The following RASGRP1 variants were observed in gnomAD, a reference collection of about 807,000 sequenced individuals.
The protein encoded by RASGRP1 is RAS guanyl releasing protein 1.
RASGRP1 carries 37 observed loss-of-function variants against 95.1 expected under a neutral mutation model. The observed-to-expected ratio is 0.39, with a 90% confidence interval of 0.30 to 0.51. The LOEUF (loss-of-function observed/expected upper bound fraction) is 0.51, where lower values mean the gene tolerates loss of function less well. Among genes scored for constraint, RASGRP1 ranks in the 20% least tolerant of loss-of-function variants. The pLI is 0.80. For missense variants in RASGRP1, 711 were observed against 965.4 expected, an observed-to-expected ratio of 0.74 and a Z score of 3.49; for synonymous variants, 325 against 353.4, an observed-to-expected ratio of 0.92 and a Z score of 0.90.
rs761476720 is a variant in RASGRP1, at chr15:38,507,853, TAGTC to T, written c.1111_1114del (p.Asp371IlefsTer7). On this transcript the variant is annotated frameshift_variant, in exon 9 of 17. Transcript: ENST00000310803. LOFTEE classifies it high-confidence loss of function. ...GACGTTCACTTTCCCGTCCTCCAGA[TAGTC>T]AGGCATGGCTTCATACAGGGAGATG... 2 of 1,613,732 alleles carry T rather than the reference TAGTC, an allele frequency of 1.2e-6. No homozygotes were observed. Among genetic ancestry groups the T allele is most frequent in the Non-Finnish European group, 8.5e-7 (1 of 1,179,812 alleles).
rs955561007 is a variant in RASGRP1, at chr15:38,519,055, TAAAG to T, written c.389+250_389+253del. Among the ~76,000 whole-genome samples, 87 of 152,258 alleles carry T rather than the reference TAAAG, an allele frequency of 5.7e-4. 1 individual carries two copies. Among genetic ancestry groups the T allele is most frequent in the Middle Eastern group, 3.4e-3 (1 of 294 alleles). ...TTACTTGTATAATTAAGAACAAAAA[TAAAG>T]AAAATAACAGACCTTTAATTATTTC... On this transcript the variant is annotated intron_variant, in intron 4 of 16. Transcript: ENST00000310803.
intron 15 of RASGRP1, among the ~76,000 whole-genome samples, chr15:38,496,998 A>G (rs1890817473): frequency 6.6e-6 from 1 of 152,242 alleles, no homozygotes; most frequent in Admixed American, 6.5e-5. Context: ...TGATATTAAC[A>G]TATGGTACAT....
intron 2 of RASGRP1, among the ~76,000 whole-genome samples, chr15:38,559,526 T>A (rs1893719863): frequency 6.6e-6 from 1 of 152,220 alleles, no homozygotes; most frequent in Non-Finnish European, 1.5e-5. Flanking sequence ...AAGCACCAGA[T>A]GCACAATATC....
chr15:38,562,501 A>G (rs1397062152), intron 1 of RASGRP1, among the ~76,000 whole-genome samples: 1 of 152,230 alleles, frequency 6.6e-6, no homozygotes. Flanking sequence ...CTGGGGCTAC[A>G]TAGCCACTGC....
chr15:38,529,474 A>G (rs73384167), intron 2 of RASGRP1, among the ~76,000 whole-genome samples: 62 of 152,308 alleles, frequency 4.1e-4, no homozygotes, highest in Middle Eastern at 3.4e-3. Context: ...CCCTTGAATT[A>G]CTGATGTCAT....
chr15:38,550,116 G>A (rs1410243049), intron 2 of RASGRP1, among the ~76,000 whole-genome samples: 2 of 151,384 alleles, frequency 1.3e-5, no homozygotes, highest in African/African-American at 4.9e-5. Context: ...AAATTAGCTG[G>A]CTCTGGTGGT....
chr15:38,533,386 A>C (rs750526940), intron 2 of RASGRP1, among the ~76,000 whole-genome samples: 15 of 152,214 alleles, frequency 9.9e-5, no homozygotes, highest in Non-Finnish European at 2.1e-4. Context: ...TTCTAAATAA[A>C]TAACTATGTG....
chr15:38,508,034 C>T (rs1431467243), intron 8 of RASGRP1, 33 bp from the exon 9 acceptor site: 9 of 1,569,022 alleles, frequency 5.7e-6, no homozygotes, highest in South Asian at 1.2e-5. Context: ...CACAGGTACC[C>T]GCTAGGCAGT....
intron 10 of RASGRP1, 69 bp downstream of exon 10, chr15:38,505,771 G>C: frequency 8.1e-7 from 1 of 1,234,688 alleles, no homozygotes; most frequent in Non-Finnish European, 1.2e-6. Context: ...TGTTCCTGAG[G>C]ATGAATGAAC....
intron 16 of RASGRP1, 182 bp downstream of exon 16, chr15:38,494,200 C>G (rs2141075945): frequency 2.5e-6 from 2 of 803,144 alleles, no homozygotes; most frequent in Admixed American, 2.2e-5. Flanking sequence ...ATCAATCATC[C>G]TTTCTTCCTT....
At chr15:38,552,394 T>C (rs1893374539) in intron 2 of RASGRP1, among the ~76,000 whole-genome samples, 1 of 152,196 alleles carries the variant, frequency 6.6e-6, no homozygotes, top group African/African-American at 2.4e-5. Flanking sequence ...CCTCTGTATC[T>C]GGGAAACAGT....
At chr15:38,534,003 G>T (rs1262132236) in intron 2 of RASGRP1, among the ~76,000 whole-genome samples, 1 of 152,234 alleles carries the variant, frequency 6.6e-6, no homozygotes, top group Non-Finnish European at 1.5e-5. Context: ...ACCCACAGCA[G>T]CTGCAAGCCT....
chr15:38,552,031 G>C (rs1433434528), intron 2 of RASGRP1, among the ~76,000 whole-genome samples: 1 of 152,208 alleles, frequency 6.6e-6, no homozygotes, highest in African/African-American at 2.4e-5. Context: ...TCACAAAATT[G>C]AGGGTTGGTC....
In RASGRP1 at chr15:38,498,802, A is replaced by G; in HGVS notation, c.1865T>C (p.Leu622Pro). The G allele has an allele frequency of 6.2e-7, 1 of 1,613,340 alleles. No individual in the cohort carries two copies. ...SNLCSLGAKD[L>P]LHAPEEGPFT... ...TCCCAGTGCCTACTTACCATGGAGC[A>G]GATCTTTGGCTCCCAATGAGCAAAG... Residue 622 changes from leucine to proline, a missense_variant, in exon 15 of 17, where the codon CTG (leucine) becomes CCG (proline). Coordinates refer to ENST00000310803, the MANE Select transcript of RASGRP1 (RefSeq NM_005739.4).
rs369558190 is a variant in RASGRP1, at chr15:38,524,896, A to AG, written c.326+1402dup. ...AAGTACGAGGGACCATGGGAAAGGG[A>AG]GGGGGGGTCTGCCCCAATATGTAGG... On this transcript the variant is annotated intron_variant, in intron 3 of 16. Transcript: ENST00000310803. 1.1e-3 allele frequency among the ~76,000 whole-genome samples: 169 copies of AG among 151,304 alleles called. 1 individual carries two copies. The East Asian group carries it at 0.014, about 13-fold the overall frequency.
At chr15:38,510,830 G>A (rs1891481135) in intron 8 of RASGRP1, among the ~76,000 whole-genome samples, 1 of 152,134 alleles carries the variant, frequency 6.6e-6, no homozygotes, top group Non-Finnish European at 1.5e-5. Context: ...GCATAATGGT[G>A]TGCACCCATG....
chr15:38,553,269 A>T (rs1300791959), intron 2 of RASGRP1, among the ~76,000 whole-genome samples: 1 of 152,222 alleles, frequency 6.6e-6, no homozygotes, highest in Non-Finnish European at 1.5e-5. Context: ...TTCTAACATC[A>T]GCAGGTGGGC....
At chr15:38,509,507 A>G (rs981934725) in intron 8 of RASGRP1, among the ~76,000 whole-genome samples, 1 of 152,202 alleles carries the variant, frequency 6.6e-6, no homozygotes, top group Non-Finnish European at 1.5e-5. Flanking sequence ...TGGACGGATC[A>G]CCTGAGGTCC....
intron 10 of RASGRP1, 105 bp from the exon 11 acceptor site, chr15:38,503,481 C>T (rs949563196): frequency 1.1e-6 from 1 of 894,924 alleles, no homozygotes; most frequent in East Asian, 2.6e-5. Flanking sequence ...GGACAATCTT[C>T]AATTATGTTC....
Sources: allele counts gnomAD v4.1 joint callset (sites outside exome capture counted in the v4.1 genomes callset), GRCh38; gene constraint gnomAD v4.1.1; transcripts MANE v1.5; gene names NCBI Gene and HGNC (gene_info 2026-07-23, HGNC 2026-07-21).